PLD3: variants seen among roughly 807,000 people sequenced by gnomAD.
PLD3 encodes 5'-3' exonuclease PLD3.
A neutral mutation model predicts 58.4 loss-of-function variants in PLD3; 31 were observed. The observed-to-expected ratio is 0.53, with a 90% confidence interval of 0.40 to 0.72. PLD3 has a LOEUF of 0.72. PLD3 is among the 30% of genes least tolerant of loss of function. PLD3 has a pLI of 0.00. For synonymous variants in PLD3, 264 were observed against 273.4 expected (o/e 0.97, Z 0.34); for missense variants, 595 against 659.8 (o/e 0.90, Z 1.08).
intron 1 of PLD3, chr19:40,356,340 AG>A (rs1173431737): frequency 6.6e-6 from 1 of 152,624 alleles, no homozygotes; most frequent in African/African-American, 2.4e-5. Flanking sequence ...TTTGAGCAGG[AG>A]AGGGATGTGT....
At position 40,364,709 on chromosome 19, in the gene PLD3, T is replaced by C. The variant is rs1362786848; in HGVS notation, c.-278-1009T>C. The stretch of plus-strand genomic sequence containing the variant: ...TACTCGGGAAGCTGAGGTGGGCGAA[T>C]TGCTCGAACCAGGGAGGTGGAGGTT... On this transcript the variant is annotated intron_variant, in intron 1 of 12. Transcript: ENST00000409735. Among the ~76,000 whole-genome samples the C allele has an allele frequency of 2.6e-5, 4 of 151,416 alleles. 1 individual carries two copies. In the South Asian group the frequency reaches 8.3e-4, roughly 32 times the overall value.
chr19:40,371,864 C>G lies in PLD3; in HGVS notation c.870C>G (p.Ala290=). 6.2e-7 allele frequency: 1 copy of G among 1,613,886 alleles called. No individual in the cohort carries two copies. The highest frequency in any genetic ancestry group is 2.2e-5 in the East Asian group (1 of 44,880). ...EICLNGTPAL[A]YLASAPPPLC... ...GCCTCAATGGAACCCCTGCTCTGGC[C>G]TACCTGGCGGTGAGTCTGGGGCAAG... The change falls in exon 9 of 13, where the codon GCC becomes GCG. Residue 290 remains alanine, a synonymous_variant. Transcript: ENST00000409735.
chr19:40,357,429 G>A (rs73557791), intron 1 of PLD3: 1 of 152,238 alleles, frequency 6.6e-6, no homozygotes, highest in East Asian at 1.9e-4. Flanking sequence ...GGTGTGATCT[G>A]CCTCATGTTT....
chr19:40,355,320 TG>T (rs1448373043), intron 1 of PLD3, among the ~76,000 whole-genome samples: 1 of 151,370 alleles, frequency 6.6e-6, no homozygotes, highest in African/African-American at 2.4e-5. Flanking sequence ...TTTTGTTTTT[TG>T]TTTTTTTTGA....
In PLD3 at chr19:40,369,983, A is replaced by G; in HGVS notation, c.505A>G (p.Ser169Gly). Reference protein sequence around the residue: ...VNVRIAVSKPSGPQPQADLQA... With the variant: ...VNVRIAVSKPGGPQPQADLQA... ...CGTCCGCATCGCTGTGAGCAAGCCC[A>G]GCGGGCCCCAGCCACAGGCGGACCT... Residue 169 changes from serine to glycine, a missense_variant, in exon 7 of 13, where the codon AGC becomes GGC. Coordinates refer to ENST00000409735, the MANE Select transcript of PLD3 (RefSeq NM_012268.4). 4.1e-5 allele frequency: 64 copies of G among 1,559,582 alleles called. No homozygotes were observed. The highest frequency in any genetic ancestry group is 5.4e-5 in the Non-Finnish European group (62 of 1,152,712).
chr19:40,362,138 CTG>C (rs1174389229), intron 1 of PLD3, among the ~76,000 whole-genome samples: 1 of 152,142 alleles, frequency 6.6e-6, no homozygotes, highest in Non-Finnish European at 1.5e-5. Flanking sequence ...CGCCTGGCCT[CTG>C]TTTTTCCCTC....
Position 40,349,961 on chromosome 19 carries a change from A to C in PLD3, c.-279+1193A>C, listed in dbSNP as rs113740333. Among the ~76,000 whole-genome samples the C allele has an allele frequency of 2.5e-3, 363 of 146,116 alleles. 1 individual carries two copies. The highest frequency in any genetic ancestry group is 8.9e-3 in the African/African-American group (352 of 39,350). ...CAACAAGAGCGAGACTCCGTCTCAA[A>C]AAAAAATAATAATAATAGGCCAGGC... On this transcript the variant is annotated intron_variant, in intron 1 of 12. Transcript: ENST00000409735.
chr19:40,371,862 G>A lies in PLD3; in HGVS notation c.868G>A (p.Ala290Thr). Residue 290 changes from alanine (A) to threonine (T), a missense_variant, in exon 9 of 13, where the codon GCC becomes ACC. Physicochemically the swap from Ala to Thr is moderately conservative, Grantham distance 58. Coordinates refer to ENST00000409735, the MANE Select transcript of PLD3 (RefSeq NM_012268.4). The stretch of plus-strand genomic sequence containing the variant: ...CTGCCTCAATGGAACCCCTGCTCTG[G>A]CCTACCTGGCGGTGAGTCTGGGGCA... ...EICLNGTPAL[A>T]YLASAPPPLC... The A allele has an allele frequency of 6.2e-7, 1 of 1,613,868 alleles. No individual in the cohort carries two copies. Among genetic ancestry groups the A allele is most frequent in the Middle Eastern group, 1.6e-4 (1 of 6,062 alleles).
In PLD3 at chr19:40,348,704, G is replaced by C. The variant is rs953385028; in HGVS notation, c.-343G>C. 1.6e-6 allele frequency: 1 copy of C among 628,300 alleles called. No homozygotes were observed. Among genetic ancestry groups the C allele is most frequent in the Admixed American group, 4.4e-5 (1 of 22,788 alleles). The allele number at this position is 628,300 out of a possible 1,614,324, so 38.9% of individuals were successfully genotyped here. On this transcript the variant is annotated 5_prime_UTR_variant, in exon 1 of 13. Coordinates refer to ENST00000409735, the MANE Select transcript of PLD3 (RefSeq NM_012268.4). ...TGCGCGCGGCTAGGAGGGGCCGTCA[G>C]GCGGGGATACAGCCTGGAAGGTGCG...
chr19:40,376,635 T>TGC lies in PLD3; in HGVS notation c.1048_1049dup (p.Arg351GlyfsTer46). On this transcript the variant is annotated frameshift_variant, in exon 11 of 13. Coordinates refer to ENST00000409735, the MANE Select transcript of PLD3 (RefSeq NM_012268.4). LOFTEE classifies it high-confidence loss of function. ...TTCTGGCCTGCCATTGACGATGGGC[T>TGC]GCGGCGGGCCACCTACGAGCGTGGC... The TGC allele has an allele frequency of 6.2e-7, 1 of 1,609,230 alleles. No individual in the cohort carries two copies. The highest frequency in any genetic ancestry group is 8.5e-7 in the Non-Finnish European group (1 of 1,179,966).
chr19:40,377,933 C>A (rs372059792), intron 12 of PLD3, 48 bp downstream of exon 12: 10 of 1,612,456 alleles, frequency 6.2e-6, no homozygotes, highest in South Asian at 1.1e-5. Context: ...GGGGTTCAGA[C>A]ACCAGGGGCG....
At chr19:40,373,991 C>CAAA (rs750537190) in intron 9 of PLD3, among the ~76,000 whole-genome samples, 164 of 43,518 alleles carry the variant, frequency 3.8e-3, no homozygotes, top group Non-Finnish European at 6.6e-3. Context: ...GACTCCATCT[C>CAAA]AAAAAAAAAA....
At chr19:40,360,090 C>T (rs1462380481) in intron 1 of PLD3, 1 of 152,266 alleles carries the variant, frequency 6.6e-6, no homozygotes, top group East Asian at 1.9e-4. Context: ...TTTCCCCAAA[C>T]TTGTGTCTCC....
At chr19:40,374,392 C>CCTGG in intron 9 of PLD3, 89 bp from the exon 10 acceptor site, 1 of 1,414,298 alleles carries the variant, frequency 7.1e-7, no homozygotes, top group Non-Finnish European at 9.8e-7. Context: ...ATCCACAGTA[C>CCTGG]CTGGCTTGTG....
chr19:40,355,338 G>C (rs1210257633), intron 1 of PLD3, among the ~76,000 whole-genome samples: 1 of 149,736 alleles, frequency 6.7e-6, no homozygotes, highest in Non-Finnish European at 1.5e-5. Flanking sequence ...TTGAGACAGA[G>C]TTTCGCTCTT....
At chr19:40,351,542 CA>C in intron 1 of PLD3, among the ~76,000 whole-genome samples, 1 of 151,762 alleles carries the variant, frequency 6.6e-6, no homozygotes, top group East Asian at 1.9e-4. Flanking sequence ...GATTCTGTCT[CA>C]AAAAAAGAGA....
At chr19:40,354,625 C>T (rs1276641198) in intron 1 of PLD3, among the ~76,000 whole-genome samples, 1 of 150,616 alleles carries the variant, frequency 6.6e-6, no homozygotes, top group Non-Finnish European at 1.5e-5. Context: ...TCCCGGGTTC[C>T]AGTAGTTCTC....
At chr19:40,372,654 T>G (rs1319643836) in intron 9 of PLD3, among the ~76,000 whole-genome samples, 2 of 151,018 alleles carry the variant, frequency 1.3e-5, no homozygotes, top group African/African-American at 4.9e-5. Flanking sequence ...TTTTTTGGTC[T>G]TATTATTTAT....
At chr19:40,370,076 C>G (rs2145692850) in intron 7 of PLD3, 34 bp from the exon 8 acceptor site, 1 of 1,586,910 alleles carries the variant, frequency 6.3e-7, no homozygotes, top group Non-Finnish European at 8.6e-7. Flanking sequence ...GGGTACCCAG[C>G]CTGGCCCCTG....
Sources: allele counts gnomAD v4.1 joint callset (sites outside exome capture counted in the v4.1 genomes callset), GRCh38; gene constraint gnomAD v4.1.1; transcripts MANE v1.5; gene names NCBI Gene and HGNC (gene_info 2026-07-23, HGNC 2026-07-21).